Variants in NTM observed in about 807,000 individuals in gnomAD.
NTM encodes the protein IgLON family member 2.
NTM carries 13 observed loss-of-function variants against 42.1 expected under a neutral mutation model. The observed-to-expected ratio is 0.31, with a 90% CI of 0.20 to 0.49. The LOEUF is 0.49. Among genes scored for constraint, NTM ranks in the 20% least tolerant of loss-of-function variants. NTM has a pLI of 0.99. For synonymous variants in NTM, 187 were observed against 179.2 expected (o/e 1.04, Z -0.35); for missense variants, 373 against 452.8 (o/e 0.82, Z 1.60).
chr11:132,316,329 T>C (rs1361667528), intron 7 of NTM, among the ~76,000 whole-genome samples: 2 of 152,188 alleles, frequency 1.3e-5, no homozygotes, highest in Non-Finnish European at 2.9e-5. Flanking sequence ...GTCATAAATA[T>C]GCTCTTTTCA....
intron 4 of NTM, among the ~76,000 whole-genome samples, chr11:132,253,146 G>C (rs78902122): frequency 0.012 from 1,900 of 152,300 alleles, 37 homozygotes; most frequent in African/African-American, 0.043. Context: ...TGGAACACAT[G>C]CCATGTCCTG....
intron 7 of NTM, among the ~76,000 whole-genome samples, chr11:132,319,209 G>A (rs1205588931): frequency 1.3e-5 from 2 of 152,188 alleles, no homozygotes; most frequent in African/African-American, 2.4e-5. Flanking sequence ...AAAGACAGGT[G>A]ATTTCTGCAT....
Position 131,602,238 on chromosome 11 carries a change from G to A in NTM, c.82+231350G>A, listed in dbSNP as rs191087337. ...CAAAATTCCCTGAATGGCCTTTGCTGTTCTGTTACCTTAAACCCACCTATC... is the reference window on the plus strand; with the variant it reads ...CAAAATTCCCTGAATGGCCTTTGCTATTCTGTTACCTTAAACCCACCTATC... On this transcript the variant is annotated intron_variant, in intron 1 of 8. Transcript: ENST00000683400. Among the ~76,000 whole-genome samples the A allele has an allele frequency of 2.0e-5, 3 of 152,216 alleles. No individual in the cohort carries two copies. The East Asian group carries it at 5.8e-4, about 29-fold the overall frequency.
chr11:132,082,444 A>G (rs924897379), intron 2 of NTM, among the ~76,000 whole-genome samples: 1 of 152,174 alleles, frequency 6.6e-6, no homozygotes, highest in Non-Finnish European at 1.5e-5. Flanking sequence ...GTATGCATGC[A>G]GGTCCTTAGT....
At chr11:132,031,749 G>A (rs761035127) in intron 2 of NTM, among the ~76,000 whole-genome samples, 20 of 152,194 alleles carry the variant, frequency 1.3e-4, no homozygotes, top group Non-Finnish European at 2.8e-4. Context: ...GCAGGCTGGA[G>A]ACAGGGTTGA....
At chr11:131,401,648 C>A (rs1395262212) in intron 1 of NTM, among the ~76,000 whole-genome samples, 1 of 150,668 alleles carries the variant, frequency 6.6e-6, no homozygotes, top group Non-Finnish European at 1.5e-5. Flanking sequence ...TCTGAAGATA[C>A]TAGGCATTTG....
chr11:131,611,854 C>T (rs1279946707), intron 1 of NTM, among the ~76,000 whole-genome samples: 1 of 152,194 alleles, frequency 6.6e-6, no homozygotes, highest in African/African-American at 2.4e-5. Context: ...TGTTCGTGAA[C>T]ACATGTTTCT....
At chr11:131,562,794 G>C (rs573802797) in intron 1 of NTM, among the ~76,000 whole-genome samples, 1 of 152,262 alleles carries the variant, frequency 6.6e-6, no homozygotes, top group South Asian at 2.1e-4. Flanking sequence ...ACCACTTCCT[G>C]TTTGTTCCCA....
At chr11:131,867,610 A>T (rs188863066) in intron 1 of NTM, among the ~76,000 whole-genome samples, 8 of 151,050 alleles carry the variant, frequency 5.3e-5, no homozygotes, top group Non-Finnish European at 1.2e-4. Flanking sequence ...CTGTGTGTGT[A>T]TGTATGCATG....
At chr11:131,823,502 T>A (rs997816963) in intron 1 of NTM, among the ~76,000 whole-genome samples, 22 of 152,202 alleles carry the variant, frequency 1.4e-4, no homozygotes, top group Non-Finnish European at 2.1e-4. Flanking sequence ...AGCTGACCTG[T>A]GGCCAGCATT....
intron 2 of NTM, among the ~76,000 whole-genome samples, chr11:131,955,682 TC>T (rs896085153): frequency 1.3e-5 from 2 of 150,976 alleles, no homozygotes; most frequent in African/African-American, 4.9e-5. Flanking sequence ...AGGACCCATG[TC>T]CCTCCCACCC....
Position 131,634,556 on chromosome 11 carries a change from G to A in NTM, c.82+263668G>A, listed in dbSNP as rs114833803. 4.4e-3 allele frequency among the ~76,000 whole-genome samples: 670 copies of A among 151,822 alleles called. 3 individuals carry two copies. Among genetic ancestry groups the A allele is most frequent in the African/African-American group, 0.015 (634 of 41,406 alleles). ...CGCTTGCAGACTTATTTTGTAATGT[G>A]CCTCCCAAGCCTTTATGCTGGAGAG... On this transcript the variant is annotated intron_variant, in intron 1 of 8. Transcript: ENST00000683400.
intron 1 of NTM, among the ~76,000 whole-genome samples, chr11:131,514,043 A>T (rs1169028789): frequency 6.6e-6 from 1 of 152,166 alleles, no homozygotes. Context: ...AGAAATTATT[A>T]TTAATGATAA....
chr11:132,005,714 T>C (rs1314823057), intron 2 of NTM, among the ~76,000 whole-genome samples: 2 of 152,162 alleles, frequency 1.3e-5, no homozygotes, highest in Non-Finnish European at 2.9e-5. Flanking sequence ...TCTCTTCCTT[T>C]TCTCTTTTTG....
chr11:131,471,338 C>T (rs1322780458), intron 1 of NTM, among the ~76,000 whole-genome samples: 1 of 152,212 alleles, frequency 6.6e-6, no homozygotes, highest in Non-Finnish European at 1.5e-5. Context: ...GGAGTGCTCT[C>T]TGTCAGGCAC....
rs565304565 is a variant in NTM, at chr11:131,497,842, G to A, written c.82+126954G>A. Among the ~76,000 whole-genome samples, 3 of 152,194 alleles carry A rather than the reference G, an allele frequency of 2.0e-5. No homozygotes were observed. In the South Asian group the frequency reaches 6.2e-4, roughly 32 times the overall value. ...CCTCCTAGCCTGTATCACCTGCTCTGTCCTTAGTCATCCTTAGTCACCTGT... is the reference window on the plus strand; with the variant it reads ...CCTCCTAGCCTGTATCACCTGCTCTATCCTTAGTCATCCTTAGTCACCTGT... On this transcript the variant is annotated intron_variant, in intron 1 of 8. Transcript: ENST00000683400.
intron 4 of NTM, chr11:132,284,817 G>A (rs1422205520): frequency 6.6e-6 from 1 of 152,380 alleles, no homozygotes; most frequent in Admixed American, 6.5e-5. Context: ...CTGCCTCATG[G>A]AGACCCGCCT....
At chr11:131,998,609 T>C (rs1184735095) in intron 2 of NTM, among the ~76,000 whole-genome samples, 1 of 152,150 alleles carries the variant, frequency 6.6e-6, no homozygotes. Flanking sequence ...TCAATTCAAT[T>C]GTTAGAGAGA....
intron 2 of NTM, among the ~76,000 whole-genome samples, chr11:132,094,059 G>A (rs888281400): frequency 2.0e-5 from 3 of 152,132 alleles, no homozygotes; most frequent in African/African-American, 7.2e-5. Flanking sequence ...ACAGCTCAGC[G>A]TTTGCCTTAT....
Sources: gnomAD v4.1 joint callset for allele counts (sites outside exome capture counted in the v4.1 genomes callset) on GRCh38, gnomAD v4.1.1 for gene constraint, MANE v1.5 for transcripts, NCBI Gene and HGNC (gene_info 2026-07-23, HGNC 2026-07-21) for gene names.